Variants in CCDC7 observed in about 807,000 individuals in gnomAD.
The protein encoded by CCDC7 is coiled-coil domain-containing protein 7.
A neutral mutation model predicts 196.9 loss-of-function variants in CCDC7; 183 were observed. The ratio of observed to expected loss-of-function variants is 0.93; its 90% CI spans 0.82 to 1.05. The LOEUF (loss-of-function observed/expected upper bound fraction) is 1.05, where lower values mean the gene tolerates loss of function less well. CCDC7 is among the 50% of genes least tolerant of loss of function. CCDC7 has a pLI of 0.00. For synonymous variants in CCDC7, 525 were observed against 484.6 expected (o/e 1.08, Z -1.10); for missense variants, 1,540 against 1,482.2 (o/e 1.04, Z -0.64).
intron 25 of CCDC7, chr10:32,725,352 C>G (rs577292344): frequency 4.9e-5 from 23 of 471,000 alleles, no homozygotes; most frequent in African/African-American, 3.4e-4. Flanking sequence ...TCTTTGCAGT[C>G]TGCCCCCAAC....
At chr10:32,638,156 T>A (rs539534074) in intron 20 of CCDC7, among the ~76,000 whole-genome samples, 34 of 152,206 alleles carry the variant, frequency 2.2e-4, no homozygotes, top group Non-Finnish European at 4.6e-4. Flanking sequence ...TTTCTAGATA[T>A]ACAATCATGT....
intron 11 of CCDC7, among the ~76,000 whole-genome samples, chr10:32,525,855 C>T (rs2048591186): frequency 6.6e-6 from 1 of 152,162 alleles, no homozygotes; most frequent in Non-Finnish European, 1.5e-5. Context: ...TACTTTCTCT[C>T]AAAGGAACAG....
At chr10:32,734,052 A>G (rs1461699592) in intron 28 of CCDC7, among the ~76,000 whole-genome samples, 2 of 152,222 alleles carry the variant, frequency 1.3e-5, no homozygotes, top group African/African-American at 2.4e-5. Context: ...CAGAACTACC[A>G]TTCAACACAG....
intron 41 of CCDC7, among the ~76,000 whole-genome samples, chr10:32,855,356 A>G (rs1275018334): frequency 6.6e-6 from 1 of 152,206 alleles, no homozygotes; most frequent in Non-Finnish European, 1.5e-5. Flanking sequence ...TTTATTGTGC[A>G]CTATATTTCT....
intron 18 of CCDC7, among the ~76,000 whole-genome samples, chr10:32,608,122 A>T (rs1222308476): frequency 1.3e-5 from 2 of 151,888 alleles, no homozygotes; most frequent in Admixed American, 6.5e-5. Context: ...GTCTCTGATG[A>T]TCTTTTGTAT....
At chr10:32,624,450 T>C (rs2063754076) in intron 18 of CCDC7, among the ~76,000 whole-genome samples, 1 of 152,210 alleles carries the variant, frequency 6.6e-6, no homozygotes, top group Non-Finnish European at 1.5e-5. Context: ...ATTTTAACAA[T>C]CAGATGCTAA....
At chr10:32,674,646 T>G (rs1370029559) in intron 21 of CCDC7, among the ~76,000 whole-genome samples, 1 of 152,082 alleles carries the variant, frequency 6.6e-6, no homozygotes, top group Non-Finnish European at 1.5e-5. Context: ...GATTTTCTGT[T>G]TGGATGATCT....
chr10:32,711,520 T>A, intron 24 of CCDC7, 100 bp from the exon 26 acceptor site: 2 of 682,836 alleles, frequency 2.9e-6, no homozygotes, highest in Non-Finnish European at 4.9e-6. Flanking sequence ...CTTTATAAGA[T>A]GAAAGAAAAT....
intron 20 of CCDC7, among the ~76,000 whole-genome samples, chr10:32,656,252 G>C (rs1157002921): frequency 6.6e-6 from 1 of 152,138 alleles, no homozygotes; most frequent in Non-Finnish European, 1.5e-5. Flanking sequence ...ACAGTCAAAA[G>C]AAATTAAATT....
At chr10:32,776,032 C>G (rs1565469613) in intron 28 of CCDC7, among the ~76,000 whole-genome samples, 2 of 143,512 alleles carry the variant, frequency 1.4e-5, no homozygotes, top group Middle Eastern at 3.5e-3. Flanking sequence ...ATCGCAAGAA[C>G]AAAAAACCAA....
intron 21 of CCDC7, among the ~76,000 whole-genome samples, chr10:32,672,443 G>T (rs780213659): frequency 6.6e-6 from 1 of 152,122 alleles, no homozygotes. Context: ...CAAAACCCAG[G>T]TCTGGAATGT....
rs563546333 is a variant in CCDC7 at position 32,726,883 on chromosome 10, T to C, written c.2668+51T>C. 1.0e-5 allele frequency: 11 copies of C among 1,099,956 alleles called. No individual in the cohort carries two copies. In the South Asian group the frequency reaches 1.7e-4, roughly 17 times the overall value. 68.1% of individuals were successfully genotyped at this position (1,099,956 alleles called of 1,614,324 possible). ...TTAAATTATTTTAAAATTAAACTTA[T>C]CAGAAGATCTTTGCCTTTGATTCCT... On this transcript the variant is annotated intron_variant, in intron 26 of 41. Coordinates refer to ENST00000639629, the Ensembl canonical transcript of CCDC7.
At position 32,603,747 on chromosome 10, in the gene CCDC7, G is replaced by A. The variant is rs1014197089; in HGVS notation, c.1801+19443G>A. On this transcript the variant is annotated intron_variant, in intron 18 of 41. Transcript: ENST00000639629. ...TTAAATATTTGCTGCCTGCTTGTAT[G>A]TTGTCTTTAAGAAATGTCTATTTAG... Among the ~76,000 whole-genome samples the A allele has an allele frequency of 6.0e-4, 91 of 151,996 alleles. 1 individual carries two copies. The highest frequency in any genetic ancestry group is 2.2e-3 in the African/African-American group (90 of 41,500).
intron 16 of CCDC7, among the ~76,000 whole-genome samples, chr10:32,575,674 G>T (rs1043726499): frequency 6.6e-6 from 1 of 152,130 alleles, no homozygotes; most frequent in Non-Finnish European, 1.5e-5. Flanking sequence ...AATGTAGCTG[G>T]TATCAGTGAG....
chr10:32,717,172 C>A lies in CCDC7; in HGVS notation c.2569+5442C>A, dbSNP rs141495578. Reference sequence around the variant, plus strand: ...TCAGCAAATGCAAAAGAATGGAAATCGTAACAATCTCTCAGACCACAGTGC... The same window carrying A: ...TCAGCAAATGCAAAAGAATGGAAATAGTAACAATCTCTCAGACCACAGTGC... On this transcript the variant is annotated intron_variant, in intron 25 of 41. Coordinates refer to ENST00000639629, the Ensembl canonical transcript of CCDC7. Among the ~76,000 whole-genome samples the A allele has an allele frequency of 6.0e-3, 913 of 151,864 alleles. 9 individuals carry two copies. Among genetic ancestry groups the A allele is most frequent in the African/African-American group, 0.021 (869 of 41,492 alleles).
intron 11 of CCDC7, among the ~76,000 whole-genome samples, 156 bp from the exon 13 acceptor site, chr10:32,543,144 T>C (rs958280718): frequency 2.0e-5 from 3 of 152,194 alleles, no homozygotes; most frequent in Admixed American, 6.5e-5. Flanking sequence ...AGACCAGATG[T>C]GTCATTTTAT....
intron 41 of CCDC7, among the ~76,000 whole-genome samples, chr10:32,875,999 C>T (rs998958522): frequency 3.3e-5 from 5 of 151,960 alleles, no homozygotes; most frequent in Admixed American, 1.3e-4. Flanking sequence ...GCATGGGCAT[C>T]GCCTGGGAAC....
chr10:32,752,553 G>GGGAC (rs1424332836), intron 28 of CCDC7, among the ~76,000 whole-genome samples: 1 of 151,932 alleles, frequency 6.6e-6, no homozygotes, highest in Non-Finnish European at 1.5e-5. Context: ...TGTCTTTCAG[G>GGGAC]TCCCCCCTTT....
chr10:32,707,059 C>G (rs192519084), intron 24 of CCDC7, among the ~76,000 whole-genome samples: 104 of 152,204 alleles, frequency 6.8e-4, no homozygotes, highest in African/African-American at 2.2e-3. Flanking sequence ...AACATCGATG[C>G]AAAAATCCTC....
Sources: gnomAD v4.1 joint callset for allele counts (sites outside exome capture counted in the v4.1 genomes callset) on GRCh38, gnomAD v4.1.1 for gene constraint, MANE v1.5 for transcripts, NCBI Gene and HGNC (gene_info 2026-07-23, HGNC 2026-07-21) for gene names.